IQGAP2: variants seen among roughly 807,000 people sequenced by gnomAD.
IQGAP2 encodes the protein ras GTPase-activating-like protein IQGAP2.
IQGAP2 carries 173 observed loss-of-function variants against 201.3 expected under a neutral mutation model. The observed-to-expected ratio is 0.86, with a 90% CI of 0.76 to 0.98. IQGAP2 has a LOEUF of 0.98. IQGAP2 is among the 50% of genes least tolerant of loss of function. The probability of loss-of-function intolerance (pLI) is 0.00; values close to 1 mark genes in which losing one functional copy is unlikely to be tolerated. For synonymous variants in IQGAP2, 675 were observed against 673.9 expected (o/e 1.00, Z -0.03); for missense variants, 1,687 against 1,864.8 (o/e 0.90, Z 1.76).
chr5:76,592,766 T>C, intron 8 of IQGAP2, 72 bp from the exon 9 acceptor site: 1 of 1,004,744 alleles, frequency 1.0e-6, no homozygotes, highest in Non-Finnish European at 1.6e-6. Context: ...TCTTCACATT[T>C]TTCCATTTGA....
At chr5:76,513,585 T>C (rs1010866374) in intron 2 of IQGAP2, among the ~76,000 whole-genome samples, 1 of 152,202 alleles carries the variant, frequency 6.6e-6, no homozygotes, top group African/African-American at 2.4e-5. Context: ...TGGAAGCTAT[T>C]GGGCCATCCA....
intron 2 of IQGAP2, among the ~76,000 whole-genome samples, chr5:76,493,230 C>T (rs527607687): frequency 1.3e-5 from 2 of 152,158 alleles, no homozygotes; most frequent in Admixed American, 1.3e-4. Context: ...CTCGTCGCAC[C>T]CAGAGTAAAA....
intron 30 of IQGAP2, among the ~76,000 whole-genome samples, chr5:76,686,596 GC>G (rs1345762501): frequency 3.3e-5 from 5 of 152,046 alleles, no homozygotes; most frequent in Admixed American, 6.6e-5. Context: ...TGCAAGCTCT[GC>G]CTCCTGGGTT....
chr5:76,644,577 G>A (rs1751877627), intron 17 of IQGAP2, among the ~76,000 whole-genome samples: 1 of 150,808 alleles, frequency 6.6e-6, no homozygotes, highest in Non-Finnish European at 1.5e-5. Context: ...TGGGATTATA[G>A]GCATAAGCCA....
chr5:76,574,646 G>A (rs373004537), intron 4 of IQGAP2, among the ~76,000 whole-genome samples: 186 of 152,274 alleles, frequency 1.2e-3, no homozygotes, highest in Middle Eastern at 6.8e-3. Context: ...ATAACCTCCC[G>A]TGACACACAT....
chr5:76,567,088 G>GC (rs1340601045), intron 3 of IQGAP2, among the ~76,000 whole-genome samples: 1 of 152,192 alleles, frequency 6.6e-6, no homozygotes, highest in African/African-American at 2.4e-5. Context: ...AGGTAGGTGT[G>GC]CCTTAGATAG....
At chr5:76,523,065 T>A (rs1050458086) in intron 2 of IQGAP2, among the ~76,000 whole-genome samples, 1 of 146,868 alleles carries the variant, frequency 6.8e-6, no homozygotes, top group Admixed American at 7.0e-5. Flanking sequence ...TCAGTCTTAA[T>A]TTTCTTTTGC....
intron 30 of IQGAP2, among the ~76,000 whole-genome samples, chr5:76,690,996 G>A (rs1035752088): frequency 6.6e-6 from 1 of 152,140 alleles, no homozygotes; most frequent in Non-Finnish European, 1.5e-5. Flanking sequence ...TTTTATAAAC[G>A]AAAAAACAAA....
Position 76,707,406 on chromosome 5 carries a change from G to A in IQGAP2, c.*93G>A. On this transcript the variant is annotated 3_prime_UTR_variant, in exon 36 of 36. Coordinates refer to ENST00000274364, the MANE Select transcript of IQGAP2 (RefSeq NM_006633.5). Reference sequence around the variant, plus strand: ...GTTTTTAAACATGATTGAAATCACTGCTTATAAATGTGTGATTTTTTTAAA... The same window carrying A: ...GTTTTTAAACATGATTGAAATCACTACTTATAAATGTGTGATTTTTTTAAA... The A allele has an allele frequency of 1.5e-6, 1 of 684,078 alleles. No individual in the cohort carries two copies. Among genetic ancestry groups the A allele is most frequent in the Non-Finnish European group, 2.6e-6 (1 of 384,720 alleles). The allele number at this position is 684,078 out of a possible 1,614,324, so 42.4% of individuals were successfully genotyped here.
At chr5:76,638,852 G>T (rs531354033) in intron 16 of IQGAP2, among the ~76,000 whole-genome samples, 1 of 152,202 alleles carries the variant, frequency 6.6e-6, no homozygotes, top group African/African-American at 2.4e-5. Context: ...AGATCTTGCC[G>T]AATGGCCTTG....
intron 13 of IQGAP2, among the ~76,000 whole-genome samples, chr5:76,611,776 G>T (rs1353267441): frequency 6.6e-6 from 1 of 152,206 alleles, no homozygotes; most frequent in Non-Finnish European, 1.5e-5. Flanking sequence ...TGAGTACAGA[G>T]CTTGTACCGC....
rs564029018 is a variant in IQGAP2 at position 76,582,173 on chromosome 5, C to G, written c.458+6404C>G. Reference sequence around the variant, plus strand: ...TAGTAAAAACCAGGATATGTGAGAACTGAACCTGTGCTATTATGAATTCAG... The same window carrying G: ...TAGTAAAAACCAGGATATGTGAGAAGTGAACCTGTGCTATTATGAATTCAG... On this transcript the variant is annotated intron_variant, in intron 5 of 35. Transcript: ENST00000274364. Among the ~76,000 whole-genome samples, 5 of 152,324 alleles carry G rather than the reference C, an allele frequency of 3.3e-5. No individual in the cohort carries two copies. The South Asian group carries it at 1.0e-3, about 32-fold the overall frequency.
chr5:76,514,349 A>G (rs1448153704), intron 2 of IQGAP2, among the ~76,000 whole-genome samples: 1 of 152,068 alleles, frequency 6.6e-6, no homozygotes, highest in Non-Finnish European at 1.5e-5. Context: ...GCCACAAGAC[A>G]TCAATCATGG....
intron 2 of IQGAP2, among the ~76,000 whole-genome samples, chr5:76,485,858 T>C (rs1447173422): frequency 6.6e-6 from 1 of 152,214 alleles, no homozygotes; most frequent in Non-Finnish European, 1.5e-5. Context: ...CAATTGTATT[T>C]TATATATTTG....
chr5:76,418,624 A>G (rs983462125), intron 1 of IQGAP2, among the ~76,000 whole-genome samples: 1 of 152,132 alleles, frequency 6.6e-6, no homozygotes, highest in African/African-American at 2.4e-5. Flanking sequence ...CTAAATTGAA[A>G]AGACTTTAAG....
chr5:76,655,478 C>T (rs951900174), intron 20 of IQGAP2, among the ~76,000 whole-genome samples: 2 of 152,132 alleles, frequency 1.3e-5, no homozygotes, highest in African/African-American at 2.4e-5. Flanking sequence ...GACAGAGTCT[C>T]ACACTGTCGC....
chr5:76,546,752 C>T (rs6875519), intron 2 of IQGAP2, among the ~76,000 whole-genome samples: 7 of 151,936 alleles, frequency 4.6e-5, no homozygotes, highest in East Asian at 1.9e-4. Context: ...ACTGTAACTA[C>T]GGACACACAT....
At chr5:76,615,586 A>C (rs1580614403) in intron 13 of IQGAP2, 1 of 152,220 alleles carries the variant, frequency 6.6e-6, no homozygotes, top group South Asian at 2.1e-4. Context: ...TTTTATGCTT[A>C]AAGTTTCCTC....
chr5:76,635,797 C>G (rs887314132), intron 15 of IQGAP2, among the ~76,000 whole-genome samples: 1 of 151,640 alleles, frequency 6.6e-6, no homozygotes, highest in African/African-American at 2.4e-5. Flanking sequence ...CCACTGTTCT[C>G]CAGCCTGGGT....
Sources: allele counts gnomAD v4.1 joint callset (sites outside exome capture counted in the v4.1 genomes callset), GRCh38; gene constraint gnomAD v4.1.1; transcripts MANE v1.5; gene names NCBI Gene and HGNC (gene_info 2026-07-23, HGNC 2026-07-21).